CDA: variants seen among roughly 807,000 people sequenced by gnomAD.
CDA encodes the protein cytidine deaminase.
Under a neutral mutation model 15.0 loss-of-function variants are expected in CDA, and 7 were observed. The ratio of observed to expected loss-of-function variants is 0.47; its 90% confidence interval spans 0.26 to 0.87. The LOEUF (loss-of-function observed/expected upper bound fraction) is 0.87, where lower values mean the gene tolerates loss of function less well. Among genes scored for constraint, CDA ranks in the 40% least tolerant of loss-of-function variants. The probability of loss-of-function intolerance (pLI) is 0.15; values close to 1 mark genes in which losing one functional copy is unlikely to be tolerated. For missense variants in CDA, 159 were observed against 182.7 expected (o/e 0.87, Z 0.75); for synonymous variants, 58 against 73.0 (o/e 0.79, Z 1.05).
intron 2 of CDA, among the ~76,000 whole-genome samples, chr1:20,606,785 C>G (rs12036909): frequency 1.3e-5 from 2 of 151,994 alleles, no homozygotes; most frequent in Non-Finnish European, 2.9e-5. Context: ...TTACTTTCCA[C>G]GGGAGCATGT....
intron 2 of CDA, among the ~76,000 whole-genome samples, chr1:20,608,865 A>C (rs558946): frequency 0.59 from 89,669 of 152,034 alleles, 26,635 homozygotes; most frequent in Middle Eastern, 0.61. Context: ...CATGATCTAC[A>C]GCATGCAGGT....
intron 2 of CDA, among the ~76,000 whole-genome samples, chr1:20,611,971 TC>T (rs1211717048): frequency 1.3e-5 from 2 of 152,080 alleles, no homozygotes; most frequent in Non-Finnish European, 2.9e-5. Flanking sequence ...CGAGTGATCC[TC>T]CCACCTCACT....
At chr1:20,610,645 A>G (rs748618671) in intron 2 of CDA, among the ~76,000 whole-genome samples, 5 of 152,220 alleles carry the variant, frequency 3.3e-5, no homozygotes, top group African/African-American at 4.8e-5. Flanking sequence ...GAAATAGTAC[A>G]TAAATCACAT....
intron 3 of CDA, among the ~76,000 whole-genome samples, chr1:20,616,921 GGCT>G (rs1438738598): frequency 6.6e-6 from 1 of 152,192 alleles, no homozygotes; most frequent in Non-Finnish European, 1.5e-5. Flanking sequence ...AAGAACAGGA[GGCT>G]GCAGACCTGA....
At chr1:20,614,821 C>G (rs1342031501) in intron 3 of CDA, among the ~76,000 whole-genome samples, 1 of 151,674 alleles carries the variant, frequency 6.6e-6, no homozygotes, top group Non-Finnish European at 1.5e-5. Flanking sequence ...GGCCATGGAA[C>G]GAAGGGTACA....
chr1:20,595,357 G>A (rs2052583478), intron 1 of CDA, among the ~76,000 whole-genome samples: 2 of 151,916 alleles, frequency 1.3e-5, no homozygotes, highest in South Asian at 2.1e-4. Flanking sequence ...ACCACCCCCT[G>A]CTGTTCTGAT....
chr1:20,596,846 G>A (rs1038801481), intron 1 of CDA, among the ~76,000 whole-genome samples: 2 of 144,030 alleles, frequency 1.4e-5, no homozygotes, highest in African/African-American at 5.2e-5. Flanking sequence ...CTGCAGCCTC[G>A]ACCTTCCTGG....
At chr1:20,597,888 A>G (rs1039640195) in intron 1 of CDA, among the ~76,000 whole-genome samples, 2 of 122,030 alleles carry the variant, frequency 1.6e-5, no homozygotes, top group African/African-American at 5.8e-5. Context: ...CTTTTTTTTT[A>G]TTTGCCTTTT....
intron 1 of CDA, among the ~76,000 whole-genome samples, chr1:20,590,063 C>T (rs2052535013): frequency 6.6e-6 from 1 of 152,186 alleles, no homozygotes; most frequent in African/African-American, 2.4e-5. Flanking sequence ...AGCTTAGAGG[C>T]ATTCTCCTTC....
chr1:20,614,411 T>C (rs2052784251), intron 3 of CDA, among the ~76,000 whole-genome samples: 1 of 152,202 alleles, frequency 6.6e-6, no homozygotes, highest in Non-Finnish European at 1.5e-5. Context: ...TAAAGTTTTA[T>C]GGGTATACAG....
Position 20,589,200 on chromosome 1 carries a change from A to C in CDA, c.71A>C (p.Glu24Ala), listed in dbSNP as rs2101170865. 1 of 1,613,850 alleles carries C rather than the reference A, an allele frequency of 6.2e-7. No individual in the cohort carries two copies. Among genetic ancestry groups the C allele is most frequent in the Non-Finnish European group, 8.5e-7 (1 of 1,179,788 alleles). Reference protein sequence around the residue: ...CVQQLLVCSQEAKKSAYCPYS... With the variant: ...CVQQLLVCSQAAKKSAYCPYS... The stretch of plus-strand genomic sequence containing the variant: ...CAGCAGCTGCTGGTTTGCTCCCAGG[A>C]GGCCAAGAAGTCAGCCTACTGCCCC... The change falls in exon 1 of 4, where the codon GAG becomes GCG. Residue 24 changes from glutamate (E) to alanine (A), a missense_variant. Coordinates refer to ENST00000375071, the MANE Select transcript of CDA (RefSeq NM_001785.3).
intron 1 of CDA, among the ~76,000 whole-genome samples, chr1:20,602,112 T>A (rs1366830002): frequency 1.7e-5 from 2 of 120,340 alleles, no homozygotes; most frequent in Non-Finnish European, 3.2e-5. Context: ...CAGAGTAAGA[T>A]CCTGTCAAAA....
At chr1:20,611,241 A>G (rs2052748138) in intron 2 of CDA, among the ~76,000 whole-genome samples, 1 of 152,152 alleles carries the variant, frequency 6.6e-6, no homozygotes, top group Non-Finnish European at 1.5e-5. Flanking sequence ...CCCTGTCTCA[A>G]ATAAATAAAT....
intron 1 of CDA, among the ~76,000 whole-genome samples, chr1:20,594,347 T>C (rs1442518415): frequency 6.6e-6 from 1 of 151,958 alleles, no homozygotes; most frequent in Non-Finnish European, 1.5e-5. Flanking sequence ...CACCTCGGGC[T>C]GGTAACATTC....
chr1:20,612,291 TC>T (rs2052758890), intron 2 of CDA, among the ~76,000 whole-genome samples: 1 of 152,164 alleles, frequency 6.6e-6, no homozygotes. Flanking sequence ...CATCTTGATG[TC>T]AGGCCTCTGA....
intron 2 of CDA, 81 bp from the exon 3 acceptor site, chr1:20,613,761 C>CT: frequency 7.5e-7 from 1 of 1,324,664 alleles, no homozygotes; most frequent in Non-Finnish European, 1.1e-6. Flanking sequence ...AGGAACAGAC[C>CT]GAGTCTCAGG....
chr1:20,594,340 C>T (rs566196631), intron 1 of CDA, among the ~76,000 whole-genome samples: 50 of 152,092 alleles, frequency 3.3e-4, no homozygotes, highest in Non-Finnish European at 5.3e-4. Flanking sequence ...CATGATGCAC[C>T]TCGGGCTGGT....
chr1:20,599,532 G>A (rs541029262), intron 1 of CDA, among the ~76,000 whole-genome samples: 38 of 151,118 alleles, frequency 2.5e-4, no homozygotes, highest in African/African-American at 9.0e-4. Flanking sequence ...CAGGAGAATC[G>A]CCTGAACCCA....
intron 1 of CDA, among the ~76,000 whole-genome samples, chr1:20,591,155 C>A (rs1024449918): frequency 6.6e-6 from 1 of 151,988 alleles, no homozygotes; most frequent in Non-Finnish European, 1.5e-5. Context: ...CTGGCTAACA[C>A]GGTGAAACTC....
Sources: allele counts gnomAD v4.1 joint callset (sites outside exome capture counted in the v4.1 genomes callset), GRCh38; gene constraint gnomAD v4.1.1; transcripts MANE v1.5; gene names NCBI Gene and HGNC (gene_info 2026-07-23, HGNC 2026-07-21).